The following SRBD1 variants were observed in gnomAD, a reference collection of about 807,000 sequenced individuals.
SRBD1 encodes the protein S1 RNA-binding domain-containing protein 1.
Under a neutral mutation model 115.3 loss-of-function variants are expected in SRBD1, and 88 were observed. The ratio of observed to expected loss-of-function variants is 0.76; its 90% CI spans 0.64 to 0.91. The LOEUF (loss-of-function observed/expected upper bound fraction) is 0.91. Among genes scored for constraint, SRBD1 ranks in the 40% least tolerant of loss-of-function variants. The pLI, the probability that SRBD1 is intolerant of heterozygous loss-of-function variation, is 0.00. For missense variants in SRBD1, 1,385 were observed against 1,177.4 expected (o/e 1.18, Z -2.58); for synonymous variants, 509 against 407.7 (o/e 1.25, Z -2.99).
intron 2 of SRBD1, among the ~76,000 whole-genome samples, chr2:45,602,309 T>A (rs560494383): frequency 1.3e-5 from 2 of 152,290 alleles, no homozygotes; most frequent in South Asian, 4.2e-4. Flanking sequence ...CAGCTCTGTC[T>A]CTCCATTCTC....
chr2:45,539,970 T>C (rs531995928), intron 14 of SRBD1, among the ~76,000 whole-genome samples: 128 of 152,260 alleles, frequency 8.4e-4, no homozygotes, highest in Non-Finnish European at 1.4e-3. Context: ...CTTGAAAATA[T>C]AGCCAGGAAA....
intron 8 of SRBD1, among the ~76,000 whole-genome samples, chr2:45,573,616 T>C (rs992785397): frequency 6.6e-6 from 1 of 152,084 alleles, no homozygotes. Flanking sequence ...ATGCAAAAGA[T>C]CAAAACTATC....
intron 16 of SRBD1, among the ~76,000 whole-genome samples, chr2:45,473,112 C>T (rs1669700184): frequency 6.6e-6 from 1 of 151,792 alleles, no homozygotes; most frequent in African/African-American, 2.4e-5. Flanking sequence ...TTGTTTATTT[C>T]CTATACTTTC....
chr2:45,575,113 AT>A (rs1673137875), intron 7 of SRBD1, among the ~76,000 whole-genome samples: 4 of 152,212 alleles, frequency 2.6e-5, no homozygotes, highest in African/African-American at 9.7e-5. Flanking sequence ...TAAAGATGTT[AT>A]GGGAAATATA....
At chr2:45,507,698 C>T (rs913226639) in intron 14 of SRBD1, among the ~76,000 whole-genome samples, 2 of 151,542 alleles carry the variant, frequency 1.3e-5, no homozygotes, top group African/African-American at 4.9e-5. Context: ...CGAACCTGGG[C>T]AACAAGAACA....
chr2:45,508,063 AT>A, intron 14 of SRBD1, among the ~76,000 whole-genome samples: 1 of 152,318 alleles, frequency 6.6e-6, no homozygotes, highest in South Asian at 2.1e-4. Context: ...TATTTACATA[AT>A]TTTTAAAACA....
intron 2 of SRBD1, among the ~76,000 whole-genome samples, chr2:45,604,264 A>T (rs527826237): frequency 6.6e-6 from 1 of 151,876 alleles, no homozygotes; most frequent in Non-Finnish European, 1.5e-5. Flanking sequence ...TGGCCTCCCA[A>T]CCCACTTCAA....
At chr2:45,527,712 C>T (rs921307039) in intron 14 of SRBD1, among the ~76,000 whole-genome samples, 1 of 151,892 alleles carries the variant, frequency 6.6e-6, no homozygotes, top group Admixed American at 6.6e-5. Flanking sequence ...ATCCCCACTT[C>T]AGAGATGAAG....
intron 16 of SRBD1, among the ~76,000 whole-genome samples, chr2:45,425,004 G>A (rs1668110508): frequency 6.6e-6 from 1 of 152,226 alleles, no homozygotes; most frequent in Admixed American, 6.5e-5. Flanking sequence ...CATACATTGA[G>A]AGACTGTTTC....
chr2:45,416,106 A>G (rs944983618), intron 18 of SRBD1, among the ~76,000 whole-genome samples: 4 of 152,186 alleles, frequency 2.6e-5, no homozygotes, highest in Admixed American at 1.3e-4. Flanking sequence ...AGAATCAGAA[A>G]GCATGATGGA....
intron 16 of SRBD1, among the ~76,000 whole-genome samples, chr2:45,433,799 A>G (rs1410966510): frequency 6.6e-6 from 1 of 152,252 alleles, no homozygotes; most frequent in East Asian, 1.9e-4. Context: ...ATAATATTGG[A>G]AGAAGACTTT....
chr2:45,493,923 G>A (rs1475007864), intron 14 of SRBD1, among the ~76,000 whole-genome samples: 1 of 151,936 alleles, frequency 6.6e-6, no homozygotes, highest in East Asian at 1.9e-4. Context: ...CTCTTTGGAT[G>A]GTAAATTGAA....
chr2:45,485,695 A>G (rs1382064773), intron 15 of SRBD1, among the ~76,000 whole-genome samples: 1 of 152,222 alleles, frequency 6.6e-6, no homozygotes, highest in African/African-American at 2.4e-5. Context: ...ACACATATAA[A>G]TTTTGAAGTT....
At chr2:45,488,847 A>G (rs1670203474) in intron 14 of SRBD1, among the ~76,000 whole-genome samples, 1 of 152,090 alleles carries the variant, frequency 6.6e-6, no homozygotes, top group Non-Finnish European at 1.5e-5. Flanking sequence ...GTTATAATTA[A>G]CAACCACAAC....
intron 14 of SRBD1, among the ~76,000 whole-genome samples, chr2:45,512,211 A>C (rs1273948832): frequency 6.6e-6 from 1 of 152,212 alleles, no homozygotes; most frequent in Non-Finnish European, 1.5e-5. Flanking sequence ...AAGGCTGCTT[A>C]AAGAAAAGGA....
At chr2:45,466,775 C>T (rs1454223732) in intron 16 of SRBD1, among the ~76,000 whole-genome samples, 2 of 152,218 alleles carry the variant, frequency 1.3e-5, no homozygotes, top group Non-Finnish European at 2.9e-5. Flanking sequence ...TTTCCTCCTA[C>T]ATTACATACA....
At chr2:45,418,689 A>AC in intron 17 of SRBD1, 148 bp from the exon 18 acceptor site, 1 of 669,612 alleles carries the variant, frequency 1.5e-6, no homozygotes, top group Non-Finnish European at 2.2e-6. Context: ...AAAAAAAAAC[A>AC]AAAAAAAAAC....
At chr2:45,582,175 A>G (rs12617337) in intron 5 of SRBD1, among the ~76,000 whole-genome samples, 6,632 of 152,264 alleles carry the variant, frequency 0.044, 232 homozygotes, top group East Asian at 0.13. Flanking sequence ...CCTTCAAGCT[A>G]AAACAATATT....
intron 16 of SRBD1, among the ~76,000 whole-genome samples, chr2:45,429,844 T>C (rs928077470): frequency 1.9e-4 from 29 of 152,156 alleles, no homozygotes; most frequent in African/African-American, 6.8e-4. Context: ...AGAGAGGAAA[T>C]CAAATTGTCT....
Sources: gnomAD v4.1 joint callset for allele counts (sites outside exome capture counted in the v4.1 genomes callset) on GRCh38, gnomAD v4.1.1 for gene constraint, MANE v1.5 for transcripts, NCBI Gene and HGNC (gene_info 2026-07-23, HGNC 2026-07-21) for gene names.